Variants in SCGB1A1 observed in about 807,000 individuals in gnomAD.
SCGB1A1 encodes the protein secretoglobin family 1A member 1.
Under a neutral mutation model 7.5 loss-of-function variants are expected in SCGB1A1, and 8 were observed. The ratio of observed to expected loss-of-function variants is 1.07; its 90% CI spans 0.63 to 1.92. The LOEUF is 1.92. SCGB1A1 is among the 30% of genes most tolerant of loss of function. SCGB1A1 has a pLI of 0.00. For missense variants in SCGB1A1, 121 were observed against 112.7 expected (o/e 1.07, Z -0.33); for synonymous variants, 44 against 40.8 (o/e 1.08, Z -0.30).
chr11:62,421,381 C>T (rs1299194626), intron 1 of SCGB1A1, among the ~76,000 whole-genome samples: 3 of 152,102 alleles, frequency 2.0e-5, no homozygotes, highest in African/African-American at 4.8e-5. Context: ...CCACAGGGCC[C>T]GCTGTGCACA....
Position 62,422,372 on chromosome 11 carries a change from C to T in SCGB1A1, c.207C>T (p.Leu69=), listed in dbSNP as rs1164194490. Residue 69 remains leucine, a synonymous_variant, in exon 2 of 3, where the codon CTC becomes CTT. Transcript: ENST00000278282. ...AGCTGAAGAAGCTGGTGGACACCCTCCCCCAAAAGCCCAGAGAAAGCATCA... is the reference window on the plus strand; with the variant it reads ...AGCTGAAGAAGCTGGTGGACACCCTTCCCCAAAAGCCCAGAGAAAGCATCA... ...GAQLKKLVDT[L]PQKPRESIIK... is the part of the protein sequence containing the mutation. 3.7e-6 allele frequency: 6 copies of T among 1,613,692 alleles called. No individual in the cohort carries two copies. The highest frequency in any genetic ancestry group is 1.3e-5 in the African/African-American group (1 of 74,922).
At chr11:62,419,809 G>T (rs1188997970) in intron 1 of SCGB1A1, among the ~76,000 whole-genome samples, 2 of 152,142 alleles carry the variant, frequency 1.3e-5, no homozygotes, top group Admixed American at 6.6e-5. Flanking sequence ...AAGAGAGACG[G>T]AGAGAGGGGG....
intron 1 of SCGB1A1, among the ~76,000 whole-genome samples, chr11:62,421,364 G>C (rs1363573758): frequency 1.3e-5 from 2 of 152,212 alleles, no homozygotes; most frequent in Non-Finnish European, 2.9e-5. Context: ...TCCATGAGCT[G>C]AGTGTGCCAC....
At chr11:62,422,479 T>C in intron 2 of SCGB1A1, 71 bp downstream of exon 2, 2 of 1,373,758 alleles carry the variant, frequency 1.5e-6, no homozygotes, top group Non-Finnish European at 1.0e-6. Context: ...ATTGCCCCAG[T>C]TTTCAGACCT....
intron 2 of SCGB1A1, 142 bp from the exon 3 acceptor site, chr11:62,422,917 C>A: frequency 1.3e-6 from 1 of 760,028 alleles, no homozygotes; most frequent in Non-Finnish European, 2.3e-6. Flanking sequence ...ACAATCCAAG[C>A]CCTTACTACC....
chr11:62,422,387 A>G lies in SCGB1A1; in HGVS notation c.222A>G (p.Arg74=). Residue 74 remains arginine, a synonymous_variant, in exon 2 of 3, where the codon AGA becomes AGG. Transcript: ENST00000278282. Reference sequence around the variant, plus strand: ...TGGACACCCTCCCCCAAAAGCCCAGAGAAAGCATCATTAAGCTCATGGTAA... The same window carrying G: ...TGGACACCCTCCCCCAAAAGCCCAGGGAAAGCATCATTAAGCTCATGGTAA... ...KLVDTLPQKP[R]ESIIKLMEKI... 6.2e-7 allele frequency: 1 copy of G among 1,613,638 alleles called. No homozygotes were observed. Among genetic ancestry groups the G allele is most frequent in the Non-Finnish European group, 8.5e-7 (1 of 1,179,710 alleles).
At chr11:62,419,868 TTGGGGAAC>T (rs1937737789) in intron 1 of SCGB1A1, among the ~76,000 whole-genome samples, 1 of 152,152 alleles carries the variant, frequency 6.6e-6, no homozygotes, top group Non-Finnish European at 1.5e-5. Context: ...TCCCCCGTCT[TTGGGGAAC>T]TGGGTTATCT....
At chr11:62,420,552 T>C (rs865788504) in intron 1 of SCGB1A1, among the ~76,000 whole-genome samples, 11 of 150,570 alleles carry the variant, frequency 7.3e-5, no homozygotes, top group Admixed American at 2.0e-4. Context: ...GACCTCGTGA[T>C]CCACCCACCT....
intron 1 of SCGB1A1, among the ~76,000 whole-genome samples, chr11:62,419,685 A>G (rs956566667): frequency 6.6e-6 from 1 of 152,208 alleles, no homozygotes; most frequent in Non-Finnish European, 1.5e-5. Flanking sequence ...GGGAACTGCC[A>G]ACCCAGAGTG....
At chr11:62,422,963 A>T in intron 2 of SCGB1A1, 96 bp from the exon 3 acceptor site, 1 of 1,133,994 alleles carries the variant, frequency 8.8e-7, no homozygotes, top group Non-Finnish European at 1.3e-6. Context: ...CCTCTCGGTT[A>T]ATGTTGAAGT....
intron 2 of SCGB1A1, among the ~76,000 whole-genome samples, chr11:62,422,783 A>G (rs1937833857): frequency 6.6e-6 from 1 of 152,112 alleles, no homozygotes; most frequent in Non-Finnish European, 1.5e-5. Flanking sequence ...CGTGTTTGCC[A>G]GGCTGGTCTC....
At position 62,422,420 on chromosome 11, in the gene SCGB1A1, C is replaced by T; in HGVS notation, c.243+12C>T. 1 of 1,597,610 alleles carries T rather than the reference C, an allele frequency of 6.3e-7. No individual in the cohort carries two copies. Among genetic ancestry groups the T allele is most frequent in the South Asian group, 1.1e-5 (1 of 89,870 alleles). On this transcript the variant is annotated intron_variant, in intron 2 of 2. Coordinates refer to ENST00000278282, the MANE Select transcript of SCGB1A1 (RefSeq NM_003357.5). ...TCATTAAGCTCATGGTAACCAGCACCTTTCACGTCACACTGGTTAGAAGTG... is the reference window on the plus strand; with the variant it reads ...TCATTAAGCTCATGGTAACCAGCACTTTTCACGTCACACTGGTTAGAAGTG...
At chr11:62,419,235 G>GC in intron 1 of SCGB1A1, 85 bp downstream of exon 1, 2 of 1,105,194 alleles carry the variant, frequency 1.8e-6, no homozygotes, top group Non-Finnish European at 2.4e-6. Flanking sequence ...GGAGTGAGCT[G>GC]CCCATTCCTG....
rs1937842519 is a variant in SCGB1A1 at position 62,423,081 on chromosome 11, T to C, written c.266T>C (p.Leu89Pro). The change falls in exon 3 of 3, where the codon CTG becomes CCG. Residue 89 changes from leucine (L) to proline (P), a missense_variant. Transcript: ENST00000278282. ...KLMEKIAQSS[L>P]CN ...TAGGAAAAAATAGCCCAAAGCTCAC[T>C]GTGTAATTAGCATTTAGAAGCTGAA... 6.2e-7 allele frequency: 1 copy of C among 1,614,188 alleles called. No homozygotes were observed. The highest frequency in any genetic ancestry group is 2.2e-5 in the East Asian group (1 of 44,890).
intron 2 of SCGB1A1, among the ~76,000 whole-genome samples, 194 bp from the exon 3 acceptor site, chr11:62,422,865 C>T (rs1327061108): frequency 2.6e-5 from 4 of 152,094 alleles, no homozygotes; most frequent in Non-Finnish European, 5.9e-5. Flanking sequence ...TGAGCCACCA[C>T]GCCCAGCCTC....
In SCGB1A1 at chr11:62,423,187, A is replaced by G; in HGVS notation, c.*96A>G. On this transcript the variant is annotated 3_prime_UTR_variant, in exon 3 of 3. Coordinates refer to ENST00000278282, the MANE Select transcript of SCGB1A1 (RefSeq NM_003357.5). ...GCCTTGCTCTCTTCAATAAACCACA[A>G]GCATCTCACTTTTGTGCCCCCTGCG... is the stretch of plus-strand genomic sequence containing the variant. 7.5e-7 allele frequency: 1 copy of G among 1,327,274 alleles called. No individual in the cohort carries two copies. The highest frequency in any genetic ancestry group is 1.1e-6 in the Non-Finnish European group (1 of 923,580). 82.2% of individuals were successfully genotyped at this position (1,327,274 alleles called of 1,614,324 possible). A position where few individuals can be genotyped will look rare whatever the true frequency, so the allele number is the denominator to read the frequency against.
intron 1 of SCGB1A1, 67 bp downstream of exon 1, chr11:62,419,217 C>A: frequency 8.0e-7 from 1 of 1,256,082 alleles, no homozygotes; most frequent in Non-Finnish European, 1.0e-6. Context: ...CAGTTCTGCT[C>A]AGAAGAAGGA....
intron 1 of SCGB1A1, among the ~76,000 whole-genome samples, chr11:62,420,721 G>A (rs1341790071): frequency 6.6e-6 from 1 of 151,118 alleles, no homozygotes; most frequent in African/African-American, 2.4e-5. Flanking sequence ...GATCACTTGA[G>A]GTCAGGAGTT....
At chr11:62,422,602 T>G in intron 2 of SCGB1A1, among the ~76,000 whole-genome samples, 194 bp downstream of exon 2, 1 of 129,788 alleles carries the variant, frequency 7.7e-6, no homozygotes, top group African/African-American at 3.1e-5. Flanking sequence ...TGAGACAGAG[T>G]CTCGCTCTGT....
Sources: gnomAD v4.1 joint callset for allele counts (sites outside exome capture counted in the v4.1 genomes callset) on GRCh38, gnomAD v4.1.1 for gene constraint, MANE v1.5 for transcripts, NCBI Gene and HGNC (gene_info 2026-07-23, HGNC 2026-07-21) for gene names.